Variants in GJB7 observed in about 807,000 individuals in gnomAD.
GJB7 encodes the protein gap junction beta-7 protein.
For missense variants in GJB7, 253 were observed against 256.8 expected, an observed-to-expected ratio of 0.99 and a Z score of 0.10; for synonymous variants, 87 against 95.2, an observed-to-expected ratio of 0.91 and a Z score of 0.50.
chr6:87,285,188 C>T (rs1776039506), intron 2 of GJB7, among the ~76,000 whole-genome samples: 1 of 152,188 alleles, frequency 6.6e-6, no homozygotes, highest in Admixed American at 6.5e-5. Context: ...CCCCACCGCC[C>T]ACTACCCCAT....
chr6:87,308,604 C>G (rs1246479549), intron 2 of GJB7, among the ~76,000 whole-genome samples: 1 of 151,804 alleles, frequency 6.6e-6, no homozygotes, highest in African/African-American at 2.4e-5. Context: ...CCTCAGAGTC[C>G]AAAATGAGAG....
Position 87,310,052 on chromosome 6 carries a change from G to A in GJB7, c.-28+12814C>T, listed in dbSNP as rs556370671. On this transcript the variant is annotated intron_variant, in intron 2 of 2. Coordinates refer to ENST00000525899, the MANE Select transcript of GJB7 (RefSeq NM_198568.3). ...TTATGGTGATGCTGCAGTGTAATGGGGGAGAAAATGGTCTTTTCAATAAAC... is the reference window on the plus strand; with the variant it reads ...TTATGGTGATGCTGCAGTGTAATGGAGGAGAAAATGGTCTTTTCAATAAAC... Among the ~76,000 whole-genome samples, 5 of 152,230 alleles carry A rather than the reference G, an allele frequency of 3.3e-5. No homozygotes were observed. The South Asian group carries it at 1.0e-3, about 32-fold the overall frequency.
chr6:87,283,156 C>T lies in GJB7; in HGVS notation c.*1085G>A, dbSNP rs1562206150. 1 of 152,184 alleles carries T rather than the reference C, an allele frequency of 6.6e-6. No individual in the cohort carries two copies. Among genetic ancestry groups the T allele is most frequent in the Non-Finnish European group, 1.5e-5 (1 of 68,034 alleles). The allele number at this position is 152,184 out of a possible 1,614,324, so 9.4% of individuals were successfully genotyped here. A position where few individuals can be genotyped will look rare whatever the true frequency, so the allele number is the denominator to read the frequency against. ...TTTGCACCACTGTAACAACATAGTA[C>T]ACATTTTACTATCTGTCCTAGAGGG... On this transcript the variant is annotated 3_prime_UTR_variant, in exon 3 of 3. Coordinates refer to ENST00000525899, the MANE Select transcript of GJB7 (RefSeq NM_198568.3).
chr6:87,309,065 T>G (rs1182420896), intron 2 of GJB7, among the ~76,000 whole-genome samples: 1 of 152,212 alleles, frequency 6.6e-6, no homozygotes, highest in Non-Finnish European at 1.5e-5. Context: ...ATGTTTCCGA[T>G]TGGCATGGAC....
At chr6:87,322,737 C>G (rs1380246665) in intron 2 of GJB7, 129 bp downstream of exon 2, 2 of 152,384 alleles carry the variant, frequency 1.3e-5, no homozygotes, top group East Asian at 3.9e-4. Flanking sequence ...GCTGCCCTGC[C>G]GGTCTCCCTC....
chr6:87,312,795 A>C (rs1018834502), intron 2 of GJB7, among the ~76,000 whole-genome samples: 2 of 152,180 alleles, frequency 1.3e-5, no homozygotes, highest in African/African-American at 4.8e-5. Context: ...TTCAAATTGT[A>C]TTGATCAAAG....
intron 2 of GJB7, among the ~76,000 whole-genome samples, chr6:87,315,673 G>T (rs1776568878): frequency 6.6e-6 from 1 of 151,828 alleles, no homozygotes; most frequent in South Asian, 2.1e-4. Flanking sequence ...GGGTGTGCCT[G>T]TAGTTACTAT....
Position 87,317,522 on chromosome 6 carries a change from C to T in GJB7, c.-28+5344G>A, listed in dbSNP as rs559758750. Among the ~76,000 whole-genome samples, 28 of 151,798 alleles carry T rather than the reference C, an allele frequency of 1.8e-4. No individual in the cohort carries two copies. The East Asian group carries it at 2.7e-3, about 15-fold the overall frequency. ...TCAGCTCACTGCAACCTCCGCCTCCCGGGTTCAAGCAATTCTCCTGCCTCA... is the reference window on the plus strand; with the variant it reads ...TCAGCTCACTGCAACCTCCGCCTCCTGGGTTCAAGCAATTCTCCTGCCTCA... On this transcript the variant is annotated intron_variant, in intron 2 of 2. Transcript: ENST00000525899.
intron 2 of GJB7, among the ~76,000 whole-genome samples, chr6:87,292,342 C>A (rs1412462517): frequency 6.6e-6 from 1 of 152,188 alleles, no homozygotes; most frequent in Non-Finnish European, 1.5e-5. Context: ...AGCAAAATAA[C>A]AATTTAAGTT....
At chr6:87,317,049 A>G (rs1776594037) in intron 2 of GJB7, among the ~76,000 whole-genome samples, 1 of 152,152 alleles carries the variant, frequency 6.6e-6, no homozygotes, top group Non-Finnish European at 1.5e-5. Flanking sequence ...ATCTTGTGCA[A>G]ATCACTTTAT....
Position 87,284,156 on chromosome 6 carries a change from G to T in GJB7, c.*85C>A. The T allele has an allele frequency of 9.3e-7, 1 of 1,072,508 alleles. No homozygotes were observed. The allele number at this position is 1,072,508 out of a possible 1,614,324, so 66.4% of individuals were successfully genotyped here. On this transcript the variant is annotated 3_prime_UTR_variant, in exon 3 of 3. Transcript: ENST00000525899. Reference sequence around the variant, plus strand: ...AGTAGCTTTGCTTCAGGTAGAGGGAGTGTGTTTATGGCCAAGTGTGAAGAT... The same window carrying T: ...AGTAGCTTTGCTTCAGGTAGAGGGATTGTGTTTATGGCCAAGTGTGAAGAT...
intron 2 of GJB7, among the ~76,000 whole-genome samples, chr6:87,319,317 A>G (rs1002302201): frequency 6.6e-6 from 1 of 152,284 alleles, no homozygotes; most frequent in Non-Finnish European, 1.5e-5. Context: ...CATATCCATG[A>G]AATGGGCAAG....
At chr6:87,316,213 C>A (rs1023102960) in intron 2 of GJB7, among the ~76,000 whole-genome samples, 1 of 152,186 alleles carries the variant, frequency 6.6e-6, no homozygotes, top group Non-Finnish European at 1.5e-5. Flanking sequence ...TTCCTATCAA[C>A]TCCTATGCTA....
rs75312723 is a variant in GJB7 at position 87,310,617 on chromosome 6, T to C, written c.-28+12249A>G. 4.9e-4 allele frequency among the ~76,000 whole-genome samples: 75 copies of C among 151,838 alleles called. No individual in the cohort carries two copies. In the East Asian group the frequency reaches 0.012, roughly 24 times the overall value. On this transcript the variant is annotated intron_variant, in intron 2 of 2. Transcript: ENST00000525899. ...ACCATTGCAGAACTTAGCCATGTAATGAAAAGCCACCTGTTCCCCCAAAAC... is the reference window on the plus strand; with the variant it reads ...ACCATTGCAGAACTTAGCCATGTAACGAAAAGCCACCTGTTCCCCCAAAAC...
intron 1 of GJB7, among the ~76,000 whole-genome samples, chr6:87,328,822 TG>T (rs1776912457): frequency 6.6e-6 from 1 of 152,218 alleles, no homozygotes; most frequent in Non-Finnish European, 1.5e-5. Context: ...TAAGCAAGCC[TG>T]GGCAATGGCG....
intron 2 of GJB7, among the ~76,000 whole-genome samples, chr6:87,290,302 A>T (rs1776145423): frequency 6.6e-6 from 1 of 152,132 alleles, no homozygotes. Flanking sequence ...GTACATTCAT[A>T]ACTCTGTTCT....
chr6:87,302,357 T>C (rs1391620227), intron 2 of GJB7, among the ~76,000 whole-genome samples: 1 of 152,094 alleles, frequency 6.6e-6, no homozygotes, highest in African/African-American at 2.4e-5. Context: ...CTGAAAACCA[T>C]GGCACGAGAA....
At chr6:87,305,117 A>C (rs1252711384) in intron 2 of GJB7, among the ~76,000 whole-genome samples, 1 of 152,212 alleles carries the variant, frequency 6.6e-6, no homozygotes, top group Non-Finnish European at 1.5e-5. Context: ...AACTGGCATA[A>C]GATAGGTTTG....
chr6:87,318,964 C>T (rs1776621091), intron 2 of GJB7, among the ~76,000 whole-genome samples: 1 of 152,150 alleles, frequency 6.6e-6, no homozygotes, highest in South Asian at 2.1e-4. Context: ...ACTATTCTTG[C>T]CTGAATTTTA....
Sources: gnomAD v4.1 joint callset for allele counts (sites outside exome capture counted in the v4.1 genomes callset) on GRCh38, gnomAD v4.1.1 for gene constraint, MANE v1.5 for transcripts, NCBI Gene and HGNC (gene_info 2026-07-23, HGNC 2026-07-21) for gene names.